The following FAM184A variants were observed in gnomAD, a reference collection of about 807,000 sequenced individuals.
The protein encoded by FAM184A is protein FAM184A.
FAM184A carries 99 observed loss-of-function variants against 143.8 expected under a neutral mutation model. That is an observed-to-expected ratio of 0.69 (90% CI 0.58 to 0.81). The LOEUF (loss-of-function observed/expected upper bound fraction) is 0.81, where lower values mean the gene tolerates loss of function less well. Ranked by LOEUF, FAM184A falls within the 40% of genes least tolerant of loss-of-function variation. The probability of loss-of-function intolerance (pLI) is 0.00; values close to 1 mark genes in which losing one functional copy is unlikely to be tolerated. For missense variants in FAM184A, 1,217 were observed against 1,310.5 expected (o/e 0.93, Z 1.10); for synonymous variants, 427 against 446.4 (o/e 0.96, Z 0.55).
At chr6:118,974,877 C>G (rs577619820) in intron 13 of FAM184A, 147 bp downstream of exon 13, 2 of 616,576 alleles carry the variant, frequency 3.2e-6, no homozygotes, top group African/African-American at 1.9e-5. Context: ...TAGATTATAA[C>G]ATAGTCATCA....
intron 1 of FAM184A, among the ~76,000 whole-genome samples, chr6:119,133,556 T>C (rs1789588686): frequency 6.6e-6 from 1 of 152,102 alleles, no homozygotes; most frequent in South Asian, 2.1e-4. Context: ...TTGGCCTGAC[T>C]TGCGGTAAGT....
chr6:119,041,317 G>A (rs1445523092), intron 1 of FAM184A, among the ~76,000 whole-genome samples: 1 of 152,132 alleles, frequency 6.6e-6, no homozygotes, highest in Non-Finnish European at 1.5e-5. Context: ...TTCCCAGGCT[G>A]ACTAAGAATC....
chr6:119,042,684 C>T (rs1408231069), intron 1 of FAM184A, among the ~76,000 whole-genome samples: 2 of 152,048 alleles, frequency 1.3e-5, no homozygotes, highest in East Asian at 3.9e-4. Flanking sequence ...TGTCAAAATC[C>T]CTAGGATGTA....
intron 9 of FAM184A, among the ~76,000 whole-genome samples, chr6:118,999,303 A>T (rs1369786071): frequency 6.6e-6 from 1 of 152,220 alleles, no homozygotes; most frequent in Non-Finnish European, 1.5e-5. Context: ...TCAATATAAA[A>T]GTCATATTAA....
chr6:119,116,587 C>A (rs1789069150), intron 1 of FAM184A, among the ~76,000 whole-genome samples: 1 of 152,128 alleles, frequency 6.6e-6, no homozygotes, highest in Non-Finnish European at 1.5e-5. Context: ...AAATCCCAGT[C>A]TAGTGGAGGA....
At chr6:119,019,211 C>T (rs535820038) in intron 4 of FAM184A, among the ~76,000 whole-genome samples, 17 of 151,994 alleles carry the variant, frequency 1.1e-4, no homozygotes, top group South Asian at 8.3e-4. Flanking sequence ...CAAGGAGGTA[C>T]GAGAAAAATG....
chr6:119,135,064 C>T (rs903906105), intron 1 of FAM184A, among the ~76,000 whole-genome samples: 8 of 152,148 alleles, frequency 5.3e-5, no homozygotes, highest in Non-Finnish European at 1.2e-4. Flanking sequence ...TTTGCAGAAG[C>T]CTTACTCTTA....
chr6:119,103,930 A>G (rs1442380832), intron 1 of FAM184A, among the ~76,000 whole-genome samples: 2 of 117,782 alleles, frequency 1.7e-5, no homozygotes, highest in Admixed American at 8.1e-5. Context: ...CGTGTAGAGA[A>G]AAAAAAAAAA....
At chr6:118,992,555 C>A (rs752014176) in intron 9 of FAM184A, among the ~76,000 whole-genome samples, 3 of 152,208 alleles carry the variant, frequency 2.0e-5, no homozygotes, top group Non-Finnish European at 2.9e-5. Flanking sequence ...TGTCTATGCA[C>A]CAAGAAGCAG....
chr6:119,024,688 T>A lies in FAM184A; in HGVS notation c.285A>T (p.Lys95Asn). Reference sequence around the variant, plus strand: ...GGTCTAGCTCCTCTGTTACTTTGCTTTTATACTGCAATATTTTTTCTCTTG... The same window carrying A: ...GGTCTAGCTCCTCTGTTACTTTGCTATTATACTGCAATATTTTTTCTCTTG... ...AETREKILQY[K>N]SKVTEELDLR... Residue 95 changes from lysine to asparagine, a missense_variant, in exon 2 of 18, where the codon AAA becomes AAT. Lys to Asn is a moderately conservative substitution (Grantham distance 94, BLOSUM62 0). Transcript: ENST00000338891. 1 of 1,614,096 alleles carries A rather than the reference T, an allele frequency of 6.2e-7. No homozygotes were observed. Among genetic ancestry groups the A allele is most frequent in the Non-Finnish European group, 8.5e-7 (1 of 1,180,020 alleles).
intron 11 of FAM184A, among the ~76,000 whole-genome samples, chr6:118,976,692 AG>A (rs1266700085): frequency 6.6e-6 from 1 of 151,976 alleles, no homozygotes; most frequent in Non-Finnish European, 1.5e-5. Flanking sequence ...GAAATTTTAG[AG>A]TTTAATGGTA....
chr6:118,999,331 T>C (rs1784677443), intron 9 of FAM184A, among the ~76,000 whole-genome samples: 1 of 152,152 alleles, frequency 6.6e-6, no homozygotes, highest in Non-Finnish European at 1.5e-5. Context: ...AAAATAAAAT[T>C]TTCAACATGT....
intron 2 of FAM184A, among the ~76,000 whole-genome samples, chr6:119,023,649 C>A (rs1562478009): frequency 6.7e-6 from 1 of 149,496 alleles, no homozygotes; most frequent in Non-Finnish European, 1.5e-5. Flanking sequence ...CTGCCTGGGC[C>A]CCCCAAAGTG....
chr6:119,024,509 G>C lies in FAM184A; in HGVS notation c.464C>G (p.Ser155Cys), dbSNP rs1435008134. ...CCTTCTAATCTCTTCGACTTCTCTAGACATGGTCACTATGCGTTGGACATG... is the reference window on the plus strand; with the variant it reads ...CCTTCTAATCTCTTCGACTTCTCTACACATGGTCACTATGCGTTGGACATG... ...AQHVQRIVTM[S>C]REVEEIRRKF... is the part of the protein sequence containing the mutation. The change falls in exon 2 of 18, where the codon TCT becomes TGT. Residue 155 changes from serine (S) to cysteine (C), a missense_variant. Coordinates refer to ENST00000338891, the MANE Select transcript of FAM184A (RefSeq NM_024581.6). 5 of 1,613,762 alleles carry C rather than the reference G, an allele frequency of 3.1e-6. No individual in the cohort carries two copies. The highest frequency in any genetic ancestry group is 2.2e-5 in the South Asian group (2 of 91,036).
At chr6:119,079,672 A>C (rs943538122), upstream of FAM184A, among the ~76,000 whole-genome samples, 1 of 152,234 alleles carries the variant, frequency 6.6e-6, no homozygotes, top group Non-Finnish European at 1.5e-5. Context: ...TTGCAGAACC[A>C]AATTCCCCAA....
rs763293622 is a variant in FAM184A, at chr6:119,023,975, G to A, written c.998C>T (p.Ala333Val). ...CQKLQTALAI[A>V]ENNVQVLQKQ... Reference sequence around the variant, plus strand: ...TTTACTTACCTGAACATTGTTCTCTGCTATGGCAAGTGCCGTCTGAAGCTT... The same window carrying A: ...TTTACTTACCTGAACATTGTTCTCTACTATGGCAAGTGCCGTCTGAAGCTT... Residue 333 changes from alanine to valine, a missense_variant, in exon 2 of 18, where the codon GCA becomes GTA. Physicochemically the swap from Ala to Val is moderately conservative, Grantham distance 64 (BLOSUM62 0). Transcript: ENST00000338891. The A allele has an allele frequency of 6.3e-7, 1 of 1,594,276 alleles. No individual in the cohort carries two copies. Among genetic ancestry groups the A allele is most frequent in the Non-Finnish European group, 8.5e-7 (1 of 1,173,940 alleles).
intron 9 of FAM184A, among the ~76,000 whole-genome samples, chr6:118,980,621 G>T (rs1348625476): frequency 6.6e-6 from 1 of 152,126 alleles, no homozygotes; most frequent in Non-Finnish European, 1.5e-5. Flanking sequence ...AGAATACAAT[G>T]AATATCTGTC....
Position 118,966,899 on chromosome 6 carries a change from A to G in FAM184A, c.2969T>C (p.Ile990Thr), listed in dbSNP as rs527852001. 25 of 1,589,820 alleles carry G rather than the reference A, an allele frequency of 1.6e-5. No homozygotes were observed. The highest frequency in any genetic ancestry group is 6.7e-5 in the Admixed American group (4 of 59,308). ...YLMRESKPED[I>T]QMITELKAML... ...GGCTTTTAATTCTGTAATCATCTGT[A>G]TATCTTCTGGTTTTGATTCTCTCAT... Residue 990 changes from isoleucine (I) to threonine (T), a missense_variant, in exon 15 of 18, where the codon ATA becomes ACA. Coordinates refer to ENST00000338891, the MANE Select transcript of FAM184A (RefSeq NM_024581.6).
chr6:119,131,135 A>C (rs113640475), intron 1 of FAM184A, among the ~76,000 whole-genome samples: 1,533 of 152,262 alleles, frequency 0.01, 30 homozygotes, highest in African/African-American at 0.035. Context: ...TTGGGATTAC[A>C]GGTGTGAGCC....
Sources: allele counts gnomAD v4.1 joint callset (sites outside exome capture counted in the v4.1 genomes callset), GRCh38; gene constraint gnomAD v4.1.1; transcripts MANE v1.5; gene names NCBI Gene and HGNC (gene_info 2026-07-23, HGNC 2026-07-21).